Variants in CSMD1 observed in about 807,000 individuals in gnomAD.
CSMD1 encodes the protein CUB and Sushi multiple domains 1.
In CSMD1, 213 loss-of-function variants were observed where a neutral mutation model predicts 417.5. The observed-to-expected ratio is 0.51, with a 90% confidence interval of 0.46 to 0.57. The LOEUF is 0.57. CSMD1 is among the 20% of genes least tolerant of loss of function. The pLI is 0.00. For synonymous variants in CSMD1, 2,862 were observed against 1,736.8 expected (o/e 1.65, Z -16.11); for missense variants, 6,923 against 4,529.7 (o/e 1.53, Z -15.17).
intron 7 of CSMD1, among the ~76,000 whole-genome samples, chr8:3,693,822 A>G (rs897069118): frequency 1.4e-5 from 2 of 146,522 alleles, no homozygotes; most frequent in African/African-American, 2.5e-5. Flanking sequence ...TGTGTTTGTT[A>G]TGGTGTGTGT....
Position 4,120,601 on chromosome 8 carries a change from G to C in CSMD1, c.416-88502C>G, listed in dbSNP as rs1194836466. Among the ~76,000 whole-genome samples the C allele has an allele frequency of 3.9e-5, 6 of 152,308 alleles. No homozygotes were observed. In the South Asian group the frequency reaches 1.0e-3, roughly 26 times the overall value. ...AAATGGCCTGTGGCCTCACACTTTTGGGTGCCAAATAGACAGTCTGTGTAC... is the reference window on the plus strand; with the variant it reads ...AAATGGCCTGTGGCCTCACACTTTTCGGTGCCAAATAGACAGTCTGTGTAC... On this transcript the variant is annotated intron_variant, in intron 3 of 69. Coordinates refer to ENST00000635120, the MANE Select transcript of CSMD1 (RefSeq NM_033225.6).
At chr8:4,388,837 T>G (rs371934747) in intron 3 of CSMD1, among the ~76,000 whole-genome samples, 3 of 152,206 alleles carry the variant, frequency 2.0e-5, no homozygotes, top group East Asian at 3.8e-4. Flanking sequence ...TGCCTTCCCT[T>G]TGATTTAAAA....
intron 3 of CSMD1, among the ~76,000 whole-genome samples, chr8:4,334,864 T>C (rs1206083682): frequency 6.6e-6 from 1 of 152,108 alleles, no homozygotes. Context: ...ATCTGGAGGC[T>C]GGGAAGTCCA....
chr8:3,713,440 T>A (rs1308072570), intron 6 of CSMD1, among the ~76,000 whole-genome samples: 1 of 152,154 alleles, frequency 6.6e-6, no homozygotes, highest in Non-Finnish European at 1.5e-5. Flanking sequence ...AGCTGGAGCG[T>A]CCTGCCCTCC....
chr8:3,456,562 T>G (rs1486058770), intron 12 of CSMD1, among the ~76,000 whole-genome samples: 1 of 152,212 alleles, frequency 6.6e-6, no homozygotes, highest in Admixed American at 6.5e-5. Context: ...TTAGCATCAT[T>G]GCATTACTTC....
intron 3 of CSMD1, among the ~76,000 whole-genome samples, chr8:4,088,780 C>A (rs774986971): frequency 1.2e-4 from 18 of 152,140 alleles, no homozygotes; most frequent in Admixed American, 2.0e-4. Flanking sequence ...TCAGCTCCCA[C>A]CCTCCCAGAC....
intron 5 of CSMD1, among the ~76,000 whole-genome samples, chr8:3,893,543 C>G (rs915955887): frequency 6.6e-6 from 1 of 151,336 alleles, no homozygotes; most frequent in African/African-American, 2.4e-5. Flanking sequence ...ATTATGAAAC[C>G]AAAGGCAAAC....
chr8:4,481,149 G>GT (rs1801077113), intron 2 of CSMD1, among the ~76,000 whole-genome samples: 1 of 152,192 alleles, frequency 6.6e-6, no homozygotes, highest in African/African-American at 2.4e-5. Flanking sequence ...AGCCACACAT[G>GT]TAAGATTCCG....
At chr8:4,088,052 C>T (rs763811640) in intron 3 of CSMD1, among the ~76,000 whole-genome samples, 2 of 152,092 alleles carry the variant, frequency 1.3e-5, no homozygotes, top group African/African-American at 4.8e-5. Flanking sequence ...AGCACCATGA[C>T]CTTTGACAAT....
intron 7 of CSMD1, among the ~76,000 whole-genome samples, chr8:3,644,838 G>A (rs1326353051): frequency 1.3e-5 from 2 of 151,840 alleles, no homozygotes; most frequent in Non-Finnish European, 2.9e-5. Flanking sequence ...ACCCCGATGT[G>A]GTAACCTTCG....
At chr8:4,072,197 C>T (rs570373564) in intron 3 of CSMD1, among the ~76,000 whole-genome samples, 2 of 152,204 alleles carry the variant, frequency 1.3e-5, no homozygotes, top group Admixed American at 6.5e-5. Context: ...TTCTGTTTTA[C>T]GTATTTATTT....
intron 3 of CSMD1, among the ~76,000 whole-genome samples, chr8:4,290,503 A>G (rs1797302754): frequency 6.6e-6 from 1 of 152,180 alleles, no homozygotes; most frequent in African/African-American, 2.4e-5. Flanking sequence ...CATGAGAAAA[A>G]AAGGACAGAT....
Position 3,307,678 on chromosome 8 carries a change from C to G in CSMD1, c.3950+17G>C, listed in dbSNP as rs1804984880. The G allele has an allele frequency of 1.9e-6, 3 of 1,610,106 alleles. No homozygotes were observed. Among genetic ancestry groups the G allele is most frequent in the Non-Finnish European group, 2.5e-6 (3 of 1,178,150 alleles). On this transcript the variant is annotated intron_variant, in intron 25 of 69. Coordinates refer to ENST00000635120, the MANE Select transcript of CSMD1 (RefSeq NM_033225.6). ...ATCTCTTTTCTCAAATCACTGAAACCAAAATAAAACAAGTACCTAATGGTC... is the reference window on the plus strand; with the variant it reads ...ATCTCTTTTCTCAAATCACTGAAACGAAAATAAAACAAGTACCTAATGGTC...
intron 3 of CSMD1, among the ~76,000 whole-genome samples, chr8:4,108,697 G>A (rs1274080597): frequency 1.1e-4 from 16 of 152,126 alleles, no homozygotes; most frequent in Admixed American, 1.0e-3. Context: ...CAGTTAAGCA[G>A]ACAATACTTA....
intron 1 of CSMD1, among the ~76,000 whole-genome samples, chr8:4,973,208 CTCA>C (rs1415611020): frequency 1.3e-5 from 2 of 152,026 alleles, no homozygotes; most frequent in Non-Finnish European, 2.9e-5. Flanking sequence ...TTTGGTTCCT[CTCA>C]TCATATTATT....
At chr8:3,081,895 C>T (rs887415924) in intron 49 of CSMD1, among the ~76,000 whole-genome samples, 1 of 152,204 alleles carries the variant, frequency 6.6e-6, no homozygotes, top group Non-Finnish European at 1.5e-5. Flanking sequence ...AGAGTCACTA[C>T]TGGGGACAGC....
At chr8:4,453,359 G>C (rs930901947) in intron 2 of CSMD1, among the ~76,000 whole-genome samples, 2 of 152,158 alleles carry the variant, frequency 1.3e-5, no homozygotes, top group Non-Finnish European at 2.9e-5. Flanking sequence ...CAGTCTGCTG[G>C]GATTGGGGGT....
intron 54 of CSMD1, among the ~76,000 whole-genome samples, chr8:2,983,386 C>T (rs1333675174): frequency 1.3e-5 from 2 of 152,082 alleles, no homozygotes; most frequent in Non-Finnish European, 2.9e-5. Context: ...CAGAGTTTCA[C>T]TGTATTAGCC....
At chr8:4,846,029 T>G (rs186373188) in intron 1 of CSMD1, among the ~76,000 whole-genome samples, 1 of 152,186 alleles carries the variant, frequency 6.6e-6, no homozygotes, top group Non-Finnish European at 1.5e-5. Flanking sequence ...TTCTTTGTTT[T>G]TCCAGAATGA....
Sources: gnomAD v4.1 joint callset for allele counts (sites outside exome capture counted in the v4.1 genomes callset) on GRCh38, gnomAD v4.1.1 for gene constraint, MANE v1.5 for transcripts, NCBI Gene and HGNC (gene_info 2026-07-23, HGNC 2026-07-21) for gene names.